Variants in UHRF2 observed in about 807,000 individuals in gnomAD.
The protein encoded by UHRF2 is E3 ubiquitin-protein ligase UHRF2.
A neutral mutation model predicts 96.8 loss-of-function variants in UHRF2; 23 were observed. The ratio of observed to expected loss-of-function variants is 0.24; its 90% CI spans 0.17 to 0.34. The LOEUF is 0.34. UHRF2 is among the 10% of genes least tolerant of loss of function. The pLI is 1.00. For missense variants in UHRF2, 685 were observed against 981.5 expected, an observed-to-expected ratio of 0.70 and a Z score of 4.04; for synonymous variants, 385 against 332.6, an observed-to-expected ratio of 1.16 and a Z score of -1.72.
intron 4 of UHRF2, among the ~76,000 whole-genome samples, chr9:6,465,945 A>G (rs1489032451): frequency 6.6e-6 from 1 of 152,216 alleles, no homozygotes; most frequent in Non-Finnish European, 1.5e-5. Flanking sequence ...TTTGAAAAAA[A>G]TTGAAAACAA....
At chr9:6,505,890 A>C (rs1188298994) in intron 15 of UHRF2, 143 bp from the exon 16 acceptor site, 2 of 760,484 alleles carry the variant, frequency 2.6e-6, no homozygotes, top group African/African-American at 3.5e-5. Flanking sequence ...TCTTTTCCAT[A>C]GTGCAGATTC....
At chr9:6,423,686 C>T (rs564960924) in intron 2 of UHRF2, among the ~76,000 whole-genome samples, 5 of 150,180 alleles carry the variant, frequency 3.3e-5, no homozygotes, top group Admixed American at 2.7e-4. Flanking sequence ...TGGCTCACAC[C>T]TGTAATCCCA....
intron 4 of UHRF2, among the ~76,000 whole-genome samples, chr9:6,464,780 G>T (rs1055936469): frequency 6.6e-6 from 1 of 151,848 alleles, no homozygotes; most frequent in Non-Finnish European, 1.5e-5. Context: ...GTGTATCTTT[G>T]TATCAGTTCC....
At chr9:6,463,101 T>G (rs1052784739) in intron 4 of UHRF2, among the ~76,000 whole-genome samples, 8 of 152,030 alleles carry the variant, frequency 5.3e-5, no homozygotes, top group Admixed American at 6.6e-5. Flanking sequence ...GACCAACTAG[T>G]GAAACCCTGT....
Position 6,433,947 on chromosome 9 carries a change from C to T in UHRF2, c.418C>T (p.Leu140Phe), listed in dbSNP as rs762012359. 1.2e-6 allele frequency: 2 copies of T among 1,611,298 alleles called. No homozygotes were observed. The highest frequency in any genetic ancestry group is 1.7e-5 in the Admixed American group (1 of 59,916). The stretch of plus-strand genomic sequence containing the variant: ...ATTGGTGGATGCCAGAGATGTCGGC[C>T]TTGGTGCTTGGTTTGAAGCACACAT... ...NELVDARDVG[L>F]GAWFEAHIHS... Residue 140 changes from leucine to phenylalanine, a missense_variant, in exon 3 of 16, where the codon CTT becomes TTT. Leu to Phe is a conservative substitution (Grantham distance 22). Around this residue, in one of 6 missense-constraint regions of UHRF2, gnomAD observed 391 missense variants for 437.0 expected, o/e 0.89. Transcript: ENST00000276893.
Position 6,413,622 on chromosome 9 carries a change from C to G in UHRF2, c.132C>G (p.Arg44=), listed in dbSNP as rs773780301. 1 of 1,595,666 alleles carries G rather than the reference C, an allele frequency of 6.3e-7. No homozygotes were observed. The highest frequency in any genetic ancestry group is 2.3e-5 in the East Asian group (1 of 43,166). The part of the protein sequence containing the change: ...ALFDVRPECQ[R]LFYRGKQLEN... ...TCGACGTGCGGCCCGAATGCCAGCG[C>G]CTCTTCTACCGGGGCAAGCAGGTGA... is the stretch of plus-strand genomic sequence containing the variant. The change falls in exon 1 of 16, where the codon CGC becomes CGG. Residue 44 remains arginine (R), a synonymous_variant. Coordinates refer to ENST00000276893, the MANE Select transcript of UHRF2 (RefSeq NM_152896.3).
rs528214035 is a variant in UHRF2, at chr9:6,422,455, C to T, written c.384+1313C>T. On this transcript the variant is annotated intron_variant, in intron 2 of 15. Coordinates refer to ENST00000276893, the MANE Select transcript of UHRF2 (RefSeq NM_152896.3). ...AGGGTCTCTTGGCTTTTAATATTTGCATACAAAAAACTGTAGAAATAGCAT... is the reference window on the plus strand; with the variant it reads ...AGGGTCTCTTGGCTTTTAATATTTGTATACAAAAAACTGTAGAAATAGCAT... Among the ~76,000 whole-genome samples the T allele has an allele frequency of 5.9e-5, 9 of 152,180 alleles. No homozygotes were observed. In the East Asian group the frequency reaches 1.7e-3, roughly 29 times the overall value.
chr9:6,460,049 C>G (rs1399252094), intron 3 of UHRF2, among the ~76,000 whole-genome samples: 1 of 152,218 alleles, frequency 6.6e-6, no homozygotes, highest in Non-Finnish European at 1.5e-5. Flanking sequence ...CAGTCCCCTA[C>G]TTTCCCAGCT....
intron 4 of UHRF2, among the ~76,000 whole-genome samples, chr9:6,474,504 G>A (rs756451030): frequency 1.3e-5 from 2 of 152,116 alleles, no homozygotes; most frequent in Admixed American, 6.5e-5. Context: ...TCAGGAGTTC[G>A]AGACGAGCCC....
intron 3 of UHRF2, among the ~76,000 whole-genome samples, chr9:6,443,999 G>C (rs1164071877): frequency 1.3e-5 from 2 of 152,198 alleles, no homozygotes; most frequent in Non-Finnish European, 2.9e-5. Flanking sequence ...GGTATTTTTA[G>C]ATGAAAGTTT....
At chr9:6,481,592 G>C in intron 6 of UHRF2, 51 bp from the exon 7 acceptor site, 11 of 1,589,182 alleles carry the variant, frequency 6.9e-6, no homozygotes, top group Non-Finnish European at 8.5e-6. Context: ...TCTGTTACTA[G>C]CTTTAATATG....
chr9:6,440,508 G>A (rs182518375), intron 3 of UHRF2, among the ~76,000 whole-genome samples: 11 of 152,268 alleles, frequency 7.2e-5, no homozygotes, highest in Admixed American at 6.5e-4. Context: ...ACTTTTCTAT[G>A]TTGCTGTCAG....
intron 3 of UHRF2, among the ~76,000 whole-genome samples, chr9:6,456,542 T>A (rs1489664071): frequency 6.6e-6 from 1 of 152,244 alleles, no homozygotes; most frequent in Admixed American, 6.5e-5. Flanking sequence ...TTTAATGAGA[T>A]CCCATTTGTC....
intron 2 of UHRF2, among the ~76,000 whole-genome samples, chr9:6,421,405 A>G (rs910241931): frequency 1.3e-5 from 2 of 152,018 alleles, no homozygotes; most frequent in East Asian, 1.9e-4. Context: ...GATTTAAAAT[A>G]CTTTTTGTTT....
chr9:6,486,626 CA>C (rs1164214722), intron 8 of UHRF2, among the ~76,000 whole-genome samples, 194 bp from the exon 9 acceptor site: 1 of 152,024 alleles, frequency 6.6e-6, no homozygotes, highest in Non-Finnish European at 1.5e-5. Flanking sequence ...AATGAGAGAG[CA>C]AAAGATAGAA....
chr9:6,500,352 A>G (rs1455525844), intron 13 of UHRF2, among the ~76,000 whole-genome samples, 200 bp from the exon 14 acceptor site: 1 of 152,254 alleles, frequency 6.6e-6, no homozygotes, highest in Non-Finnish European at 1.5e-5. Flanking sequence ...GGGGCATGGT[A>G]GAAGATGGAT....
intron 1 of UHRF2, chr9:6,413,963 T>G: frequency 4.8e-6 from 1 of 208,664 alleles, no homozygotes; most frequent in Non-Finnish European, 9.5e-6. Flanking sequence ...CTTCCCGCGC[T>G]CGGCGGGGCC....
intron 3 of UHRF2, 50 bp from the exon 4 acceptor site, chr9:6,460,523 C>T: frequency 6.7e-7 from 1 of 1,484,794 alleles, no homozygotes; most frequent in Non-Finnish European, 9.1e-7. Flanking sequence ...TTGCATAAAA[C>T]TTTAGTTGTC....
At chr9:6,425,212 A>T (rs1820179561) in intron 2 of UHRF2, among the ~76,000 whole-genome samples, 1 of 152,186 alleles carries the variant, frequency 6.6e-6, no homozygotes, top group South Asian at 2.1e-4. Context: ...TCAACATGGG[A>T]GGTGTATTTA....
Sources: allele counts gnomAD v4.1 joint callset (sites outside exome capture counted in the v4.1 genomes callset), GRCh38; gene constraint gnomAD v4.1.1; regional missense constraint gnomAD v4.1.1; transcripts MANE v1.5; gene names NCBI Gene and HGNC (gene_info 2026-07-23, HGNC 2026-07-21).